REV1: variants seen among roughly 807,000 people sequenced by gnomAD.
The protein encoded by REV1 is translesion synthesis protein REV1.
REV1 carries 42 observed loss-of-function variants against 137.4 expected under a neutral mutation model. That is an observed-to-expected ratio of 0.31 (90% CI 0.24 to 0.40). The LOEUF is 0.40. Ranked by LOEUF, REV1 falls within the 10% of genes least tolerant of loss-of-function variation. REV1 has a pLI of 1.00. For synonymous variants in REV1, 524 were observed against 519.2 expected, an observed-to-expected ratio of 1.01 and a Z score of -0.12; for missense variants, 1,282 against 1,490.1, an observed-to-expected ratio of 0.86 and a Z score of 2.30.
In REV1 at chr2:99,401,307, G is replaced by A; in HGVS notation, c.3690C>T (p.Asp1230=). 1.2e-6 allele frequency: 2 copies of A among 1,613,802 alleles called. No homozygotes were observed. The highest frequency in any genetic ancestry group is 1.7e-5 in the Admixed American group (1 of 60,002). Residue 1230 remains aspartate, a synonymous_variant, in exon 23 of 23, where the codon GAC becomes GAT. Transcript: ENST00000258428. ...CCACCTGGACATTGTCAAGAATAAA[G>A]TCAAATGCCATATTCCAAACCGATT... The part of the protein sequence containing the change: ...SVESVWNMAF[D]FILDNVQVVL...
At chr2:99,411,086 G>A (rs557969023) in intron 13 of REV1, among the ~76,000 whole-genome samples, 17 of 152,200 alleles carry the variant, frequency 1.1e-4, no homozygotes, top group East Asian at 9.7e-4. Flanking sequence ...TCAGGAGTTC[G>A]AGACCAGCCT....
chr2:99,415,483 T>C (rs1017333408), intron 12 of REV1, among the ~76,000 whole-genome samples: 2 of 152,106 alleles, frequency 1.3e-5, no homozygotes, highest in African/African-American at 4.8e-5. Flanking sequence ...AGGAGTAAAC[T>C]TCAAAGAATA....
At chr2:99,467,005 TAA>T (rs1028915526) in intron 1 of REV1, among the ~76,000 whole-genome samples, 1 of 152,172 alleles carries the variant, frequency 6.6e-6, no homozygotes, top group African/African-American at 2.4e-5. Context: ...CTGGAACAAG[TAA>T]AGAGTTTGGG....
rs1681148013 is a variant in REV1 at position 99,439,117 on chromosome 2, T to C, written c.697A>G (p.Asn233Asp). The C allele has an allele frequency of 1.9e-6, 3 of 1,614,038 alleles. No individual in the cohort carries two copies. Among genetic ancestry groups the C allele is most frequent in the African/African-American group, 2.7e-5 (2 of 74,932 alleles). ...CAATCCTGTGTCTTTAAGGCACCAT[T>C]AGAGCTAGGAGTGTGTCCATTAAAA... ...AIFNGHTPSS[N>D]GALKTQDCLV... The change falls in exon 6 of 23, where the codon AAT becomes GAT. Residue 233 changes from asparagine to aspartate, a missense_variant. By Grantham distance (23) the Asn-to-Asp change is conservative. Coordinates refer to ENST00000258428, the MANE Select transcript of REV1 (RefSeq NM_016316.4).
chr2:99,423,677 A>G (rs1390667653), intron 10 of REV1, among the ~76,000 whole-genome samples: 1 of 152,218 alleles, frequency 6.6e-6, no homozygotes, highest in African/African-American at 2.4e-5. Flanking sequence ...AACTATTATT[A>G]AAGACCCACT....
chr2:99,452,843 G>A (rs958341912), intron 3 of REV1, among the ~76,000 whole-genome samples: 1 of 152,108 alleles, frequency 6.6e-6, no homozygotes, highest in South Asian at 2.1e-4. Context: ...AATTAGAGAC[G>A]CCATATAATG....
At chr2:99,433,157 A>T (rs967339047) in intron 8 of REV1, among the ~76,000 whole-genome samples, 2 of 152,184 alleles carry the variant, frequency 1.3e-5, no homozygotes, top group African/African-American at 4.8e-5. Context: ...TCATCTGTTT[A>T]ATAGCACACA....
At chr2:99,403,902 T>G in intron 18 of REV1, 87 bp from the exon 19 acceptor site, 2 of 1,498,040 alleles carry the variant, frequency 1.3e-6, no homozygotes, top group Non-Finnish European at 1.8e-6. Context: ...GACTTTGTTT[T>G]CAAATCTCAC....
At chr2:99,446,061 C>G (rs1305632425) in intron 4 of REV1, among the ~76,000 whole-genome samples, 6 of 152,098 alleles carry the variant, frequency 3.9e-5, no homozygotes, top group Non-Finnish European at 7.4e-5. Context: ...AAAAACAGTG[C>G]CATGATTTAA....
chr2:99,463,320 G>C (rs1276814099), intron 2 of REV1, among the ~76,000 whole-genome samples: 2 of 152,040 alleles, frequency 1.3e-5, no homozygotes, highest in African/African-American at 4.8e-5. Flanking sequence ...AGGAGTTCGA[G>C]ATCAGCCTGA....
chr2:99,429,427 G>A (rs946862303), intron 9 of REV1, among the ~76,000 whole-genome samples: 4 of 151,896 alleles, frequency 2.6e-5, no homozygotes, highest in African/African-American at 9.7e-5. Flanking sequence ...ATAGGCAAAT[G>A]GGTTTTAACA....
chr2:99,447,162 CT>C (rs752190451), intron 4 of REV1, among the ~76,000 whole-genome samples: 431 of 142,558 alleles, frequency 3.0e-3, no homozygotes, highest in Non-Finnish European at 2.5e-3. Flanking sequence ...ATTTATTTGA[CT>C]TTTTTTTTTT....
intron 6 of REV1, among the ~76,000 whole-genome samples, chr2:99,437,941 C>G (rs1302656081): frequency 1.3e-5 from 2 of 152,020 alleles, no homozygotes. Context: ...GTTTCCACAG[C>G]TATAAATTAT....
chr2:99,403,124 T>C lies in REV1; in HGVS notation c.3167-18A>G. On this transcript the variant is annotated intron_variant, in intron 19 of 22. Coordinates refer to ENST00000258428, the MANE Select transcript of REV1 (RefSeq NM_016316.4). ...CTTTGGCACTAAGAGCAGATGGATATAAGATCCTCAACAAAATGATAGTAT... is the reference window on the plus strand; with the variant it reads ...CTTTGGCACTAAGAGCAGATGGATACAAGATCCTCAACAAAATGATAGTAT... The C allele has an allele frequency of 4.5e-6, 7 of 1,546,850 alleles. No homozygotes were observed. Among genetic ancestry groups the C allele is most frequent in the Non-Finnish European group, 6.1e-6 (7 of 1,142,574 alleles).
At chr2:99,406,228 T>A in intron 16 of REV1, 97 bp downstream of exon 16, 7 of 1,438,138 alleles carry the variant, frequency 4.9e-6, no homozygotes, top group Non-Finnish European at 6.5e-6. Context: ...TATAAATTTT[T>A]AAAATCACAT....
intron 1 of REV1, among the ~76,000 whole-genome samples, chr2:99,468,216 G>T (rs866593155): frequency 1.3e-5 from 2 of 151,872 alleles, no homozygotes; most frequent in Non-Finnish European, 2.9e-5. Flanking sequence ...AAATTAGCCA[G>T]GCATGGGGGC....
intron 7 of REV1, among the ~76,000 whole-genome samples, chr2:99,434,753 C>T (rs1307434026): frequency 6.6e-6 from 1 of 152,128 alleles, no homozygotes; most frequent in South Asian, 2.1e-4. Flanking sequence ...AGGAAAGAGG[C>T]AACTCAAGAG....
Position 99,403,703 on chromosome 2 carries a change from C to T in REV1, c.3158G>A (p.Ser1053Asn). ...CCACTTCCAAGGCTCACCAGATGCG[C>T]TGGCTGACTGCTGGTGAGTGCTGTT... Reference protein sequence around the residue: ...GENSTHQQSASASVPKNPLLH... With the variant: ...GENSTHQQSANASVPKNPLLH... Residue 1053 changes from serine (S) to asparagine (N), a missense_variant, in exon 19 of 23, where the codon AGC becomes AAC. By Grantham distance (46) the Ser-to-Asn change is conservative. Transcript: ENST00000258428. 1 of 1,614,164 alleles carries T rather than the reference C, an allele frequency of 6.2e-7. No individual in the cohort carries two copies. Among genetic ancestry groups the T allele is most frequent in the South Asian group, 1.1e-5 (1 of 91,082 alleles).
rs770998843 is a variant in REV1 at position 99,412,753 on chromosome 2, T to G, written c.2150A>C (p.Asn717Thr). ...KERKSVSAEI[N>T]YGIRFTQPKE... The stretch of plus-strand genomic sequence containing the variant: ...TACCTGAGTAAACCTTATTCCATAG[T>G]TGATCTCAGCTGAAACAGATTTTCT... The change falls in exon 13 of 23, where the codon AAC becomes ACC. Residue 717 changes from asparagine (N) to threonine (T), a missense_variant. By Grantham distance (65) the Asn-to-Thr change is moderately conservative. This residue lies in a region of REV1 where 372 missense variants were observed against 482.3 expected (regional missense o/e 0.77). Transcript: ENST00000258428. The G allele has an allele frequency of 1.2e-6, 2 of 1,613,878 alleles. No homozygotes were observed. The highest frequency in any genetic ancestry group is 1.7e-5 in the Admixed American group (1 of 60,022).
Sources: allele counts gnomAD v4.1 joint callset (sites outside exome capture counted in the v4.1 genomes callset), GRCh38; gene constraint gnomAD v4.1.1; regional missense constraint gnomAD v4.1.1; transcripts MANE v1.5; gene names NCBI Gene and HGNC (gene_info 2026-07-23, HGNC 2026-07-21).